The following MPHOSPH8 variants were observed in gnomAD, a reference collection of about 807,000 sequenced individuals.
MPHOSPH8 encodes M-phase phosphoprotein, mpp.
In MPHOSPH8, 45 loss-of-function variants were observed where a neutral mutation model predicts 87.3. The ratio of observed to expected loss-of-function variants is 0.52; its 90% CI spans 0.41 to 0.66. The LOEUF is 0.66. MPHOSPH8 is among the 30% of genes least tolerant of loss of function. The probability of loss-of-function intolerance (pLI) is 0.00; values close to 1 mark genes in which losing one functional copy is unlikely to be tolerated. For synonymous variants in MPHOSPH8, 366 were observed against 376.9 expected (o/e 0.97, Z 0.33); for missense variants, 883 against 1,020.2 (o/e 0.87, Z 1.83).
intron 3 of MPHOSPH8, 36 bp downstream of exon 3, chr13:19,647,327 G>T: frequency 6.6e-7 from 1 of 1,522,260 alleles, no homozygotes; most frequent in South Asian, 1.3e-5. Context: ...AACCCATGTT[G>T]AGTGGTCAAG....
chr13:19,661,986 G>C, intron 8 of MPHOSPH8, 148 bp downstream of exon 8: 1 of 1,080,580 alleles, frequency 9.3e-7, no homozygotes, highest in Non-Finnish European at 1.2e-6. Flanking sequence ...CTGTCGCCGA[G>C]GCTGGAGTGC....
At chr13:19,643,503 C>A (rs1874404772) in intron 2 of MPHOSPH8, among the ~76,000 whole-genome samples, 1 of 152,146 alleles carries the variant, frequency 6.6e-6, no homozygotes, top group African/African-American at 2.4e-5. Context: ...ACCTCGGCCT[C>A]CCAAAGTGTT....
At chr13:19,635,702 CT>C (rs1166405745) in intron 1 of MPHOSPH8, among the ~76,000 whole-genome samples, 1 of 152,138 alleles carries the variant, frequency 6.6e-6, no homozygotes, top group African/African-American at 2.4e-5. Flanking sequence ...GGCAATTAGG[CT>C]TTAGTGTTGT....
In MPHOSPH8 at chr13:19,646,463, C is replaced by T; in HGVS notation, c.390C>T (p.Asp130=). ...KDIQRLSLNN[D]IFEANSDSDQ... ...TATAGAGACTATCCTTAAATAACGA[C>T]ATATTTGAGGCGAACTCTGATAGCG... The change falls in exon 3 of 14, where the codon GAC becomes GAT. Residue 130 remains aspartate (D), a synonymous_variant. Transcript: ENST00000361479. The T allele has an allele frequency of 6.6e-7, 1 of 1,510,018 alleles. No individual in the cohort carries two copies. Among genetic ancestry groups the T allele is most frequent in the Non-Finnish European group, 8.8e-7 (1 of 1,137,300 alleles). 93.5% of individuals were successfully genotyped at this position (1,510,018 alleles called of 1,614,324 possible).
intron 1 of MPHOSPH8, among the ~76,000 whole-genome samples, chr13:19,637,799 G>A (rs1276674111): frequency 2.6e-5 from 4 of 151,946 alleles, no homozygotes; most frequent in African/African-American, 9.7e-5. Context: ...GAAGACAGAA[G>A]CTCTTACAAA....
chr13:19,634,288 A>G (rs892751298), intron 1 of MPHOSPH8, among the ~76,000 whole-genome samples: 1 of 152,118 alleles, frequency 6.6e-6, no homozygotes, highest in East Asian at 1.9e-4. Context: ...TATGATAGTG[A>G]AGTAATGCTT....
chr13:19,671,359 G>C (rs1876116715), intron 13 of MPHOSPH8, 70 bp downstream of exon 13: 1 of 1,422,324 alleles, frequency 7.0e-7, no homozygotes. Flanking sequence ...ATCAACATTA[G>C]AAAAAAAATT....
chr13:19,635,909 G>A (rs7983520), intron 1 of MPHOSPH8, among the ~76,000 whole-genome samples: 27,131 of 152,066 alleles, frequency 0.18, 3,543 homozygotes, highest in African/African-American at 0.37. Flanking sequence ...CTGTTCTCAC[G>A]ATAGTGAGTG....
At chr13:19,664,153 CTT>C (rs1875696284) in intron 9 of MPHOSPH8, among the ~76,000 whole-genome samples, 1 of 152,022 alleles carries the variant, frequency 6.6e-6, no homozygotes, top group South Asian at 2.1e-4. Context: ...CATTTTTTTT[CTT>C]ATTAGAGACA....
In MPHOSPH8 at chr13:19,646,494, C is replaced by G. The variant is rs1335210631; in HGVS notation, c.421C>G (p.Gln141Glu). 6.4e-7 allele frequency: 1 copy of G among 1,558,986 alleles called. No homozygotes were observed. The highest frequency in any genetic ancestry group is 8.6e-7 in the Non-Finnish European group (1 of 1,164,088). ...TGAGGCGAACTCTGATAGCGATCAG[C>G]AAAGTGAGACAAAAGAAGATACTTC... ...IFEANSDSDQ[Q>E]SETKEDTSPK... is the part of the protein sequence containing the mutation. Residue 141 changes from glutamine (Q) to glutamate (E), a missense_variant, in exon 3 of 14, where the codon CAA becomes GAA. Physicochemically the swap from Gln to Glu is conservative, Grantham distance 29 (BLOSUM62 2). This residue lies in a region of MPHOSPH8 where 39 missense variants were observed against 82.4 expected (regional missense o/e 0.47). Transcript: ENST00000361479.
chr13:19,667,665 C>T (rs1875890284), intron 10 of MPHOSPH8, among the ~76,000 whole-genome samples: 1 of 152,128 alleles, frequency 6.6e-6, no homozygotes, highest in Non-Finnish European at 1.5e-5. Flanking sequence ...AGATTCCTTC[C>T]ATGTCTTGAT....
chr13:19,655,179 A>G (rs1027795057), intron 5 of MPHOSPH8, among the ~76,000 whole-genome samples: 5 of 152,188 alleles, frequency 3.3e-5, no homozygotes, highest in Admixed American at 1.3e-4. Context: ...AGGACATTAA[A>G]CCTTTAGCAA....
rs528391384 is a variant in MPHOSPH8, at chr13:19,672,438, C to T, written c.*563C>T. On this transcript the variant is annotated 3_prime_UTR_variant, in exon 14 of 14. Transcript: ENST00000361479. Reference sequence around the variant, plus strand: ...GGATTACAGGCATGAGCCACCGCACCCAGCAAGAGTTATTTTCTTAACTTG... The same window carrying T: ...GGATTACAGGCATGAGCCACCGCACTCAGCAAGAGTTATTTTCTTAACTTG... The T allele has an allele frequency of 2.0e-5, 3 of 151,924 alleles. No homozygotes were observed. Among genetic ancestry groups the T allele is most frequent in the Non-Finnish European group, 2.9e-5 (2 of 68,222 alleles). The allele number at this position is 151,924 out of a possible 1,614,324, so 9.4% of individuals were successfully genotyped here. A position where few individuals can be genotyped will look rare whatever the true frequency, so the allele number is the denominator to read the frequency against.
At chr13:19,651,660 T>C (rs753899067) in intron 5 of MPHOSPH8, among the ~76,000 whole-genome samples, 36 of 151,974 alleles carry the variant, frequency 2.4e-4, no homozygotes, top group Non-Finnish European at 4.0e-4. Flanking sequence ...TACCTGTGAA[T>C]AGCCACTGTA....
At chr13:19,634,750 C>G (rs761035833) in intron 1 of MPHOSPH8, among the ~76,000 whole-genome samples, 3 of 152,186 alleles carry the variant, frequency 2.0e-5, no homozygotes, top group Non-Finnish European at 4.4e-5. Flanking sequence ...GTTTGTCTCT[C>G]CTGCTATATG....
chr13:19,667,000 A>G (rs1355043770), intron 10 of MPHOSPH8, among the ~76,000 whole-genome samples: 2 of 152,076 alleles, frequency 1.3e-5, no homozygotes, highest in African/African-American at 4.8e-5. Flanking sequence ...TGGCTCTACT[A>G]AAAATACAAA....
At chr13:19,666,317 G>A (rs1001615311) in intron 9 of MPHOSPH8, 108 bp from the exon 10 acceptor site, 3 of 1,182,368 alleles carry the variant, frequency 2.5e-6, no homozygotes, top group Non-Finnish European at 3.5e-6. Context: ...CTTCTTCCAT[G>A]GCCTGTGCCC....
At chr13:19,641,957 T>C (rs1874316396) in intron 1 of MPHOSPH8, among the ~76,000 whole-genome samples, 158 bp from the exon 2 acceptor site, 1 of 152,036 alleles carries the variant, frequency 6.6e-6, no homozygotes, top group Non-Finnish European at 1.5e-5. Flanking sequence ...CTTAAGCCAC[T>C]TTTCTCAGGA....
rs1232398120 is a variant in MPHOSPH8 at position 19,662,209 on chromosome 13, T to G, written c.1932+371T>G. 2.6e-5 allele frequency among the ~76,000 whole-genome samples: 4 copies of G among 152,150 alleles called. No individual in the cohort carries two copies. The East Asian group carries it at 5.8e-4, about 22-fold the overall frequency. ...CTGCCTTGGCCTCCCAAAGTGCTGG[T>G]ATTACAGGCGTGAGCCACCGCGCCT... On this transcript the variant is annotated intron_variant, in intron 8 of 13. Transcript: ENST00000361479.
Sources: gnomAD v4.1 joint callset for allele counts (sites outside exome capture counted in the v4.1 genomes callset) on GRCh38, gnomAD v4.1.1 for gene constraint, gnomAD v4.1.1 regional missense constraint, MANE v1.5 for transcripts, NCBI Gene and HGNC (gene_info 2026-07-23, HGNC 2026-07-21) for gene names.